The following GPC5 variants were observed in gnomAD, a reference collection of about 807,000 sequenced individuals.
GPC5 encodes glypican-5.
Under a neutral mutation model 53.9 loss-of-function variants are expected in GPC5, and 47 were observed. That is an observed-to-expected ratio of 0.87 (90% CI 0.69 to 1.11). The LOEUF (loss-of-function observed/expected upper bound fraction) is 1.11. Ranked by LOEUF, GPC5 falls within the 50% of genes most tolerant of loss-of-function variation. GPC5 has a pLI of 0.00. For missense variants in GPC5, 748 were observed against 713.1 expected (o/e 1.05, Z -0.56); for synonymous variants, 286 against 263.3 (o/e 1.09, Z -0.84).
chr13:92,695,379 C>T (rs1887528474), intron 7 of GPC5, among the ~76,000 whole-genome samples: 1 of 152,174 alleles, frequency 6.6e-6, no homozygotes, highest in African/African-American at 2.4e-5. Flanking sequence ...TTGTTCATCA[C>T]TTATTAACAC....
Position 91,501,688 on chromosome 13 carries a change from T to G in GPC5, c.325+52766T>G, listed in dbSNP as rs1884646618. The stretch of plus-strand genomic sequence containing the variant: ...GGTTCCAAGTCTTTGCTATTGTGAA[T>G]AATGCCACAATAAACATACGTGTGC... On this transcript the variant is annotated intron_variant, in intron 2 of 7. Transcript: ENST00000377067. Among the ~76,000 whole-genome samples the G allele has an allele frequency of 3.9e-5, 6 of 152,202 alleles. No homozygotes were observed. In the South Asian group the frequency reaches 1.2e-3, roughly 32 times the overall value.
chr13:91,701,844 T>A lies in GPC5; in HGVS notation c.1020+7963T>A, dbSNP rs567785838. 4.6e-5 allele frequency among the ~76,000 whole-genome samples: 7 copies of A among 152,258 alleles called. No homozygotes were observed. In the South Asian group the frequency reaches 1.4e-3, roughly 32 times the overall value. ...TAATTGCTGTAGCATATGGTAGTTC[T>A]ATTTTTAATTTTTTGAGGAACCACT... On this transcript the variant is annotated intron_variant, in intron 3 of 7. Transcript: ENST00000377067.
chr13:92,409,877 C>T (rs1322931364), intron 7 of GPC5, among the ~76,000 whole-genome samples: 2 of 152,126 alleles, frequency 1.3e-5, no homozygotes, highest in East Asian at 3.9e-4. Context: ...AATACTGCCA[C>T]AGAGCAACTG....
At chr13:92,056,274 C>CGA (rs1164071652) in intron 6 of GPC5, among the ~76,000 whole-genome samples, 2 of 152,138 alleles carry the variant, frequency 1.3e-5, no homozygotes, top group African/African-American at 4.8e-5. Flanking sequence ...ATCATCTCAA[C>CGA]CCCTTCTCTT....
chr13:91,622,460 C>T (rs958689436), intron 2 of GPC5, among the ~76,000 whole-genome samples: 3 of 151,986 alleles, frequency 2.0e-5, no homozygotes, highest in Admixed American at 6.6e-5. Context: ...TGAACATGTT[C>T]GTTTTTGTTA....
At chr13:91,802,838 A>C (rs777392131) in intron 5 of GPC5, among the ~76,000 whole-genome samples, 9 of 152,120 alleles carry the variant, frequency 5.9e-5, no homozygotes, top group Non-Finnish European at 1.2e-4. Flanking sequence ...TGAATGCTTT[A>C]AATAAGTTAC....
At chr13:91,669,980 C>T (rs928802296) in intron 2 of GPC5, among the ~76,000 whole-genome samples, 27 of 152,144 alleles carry the variant, frequency 1.8e-4, no homozygotes, top group African/African-American at 6.0e-4. Context: ...AAACATCGCA[C>T]ATGTCAATTG....
At chr13:92,577,852 A>G (rs1883238999) in intron 7 of GPC5, among the ~76,000 whole-genome samples, 1 of 152,308 alleles carries the variant, frequency 6.6e-6, no homozygotes, top group African/African-American at 2.4e-5. Flanking sequence ...TAAAACAAGG[A>G]GCAGAAAAAA....
chr13:91,873,720 G>A (rs911690946), intron 5 of GPC5, among the ~76,000 whole-genome samples: 9 of 152,132 alleles, frequency 5.9e-5, no homozygotes, highest in Non-Finnish European at 8.8e-5. Flanking sequence ...CAGTCACTTT[G>A]TCACCCAGGC....
chr13:92,807,430 A>G (rs1198576999), intron 7 of GPC5, among the ~76,000 whole-genome samples: 1 of 152,108 alleles, frequency 6.6e-6, no homozygotes, highest in African/African-American at 2.4e-5. Context: ...GAGGTAGATT[A>G]TCAAAATCAA....
chr13:92,035,766 A>AC (rs1322722872), intron 6 of GPC5, among the ~76,000 whole-genome samples: 1 of 149,780 alleles, frequency 6.7e-6, no homozygotes, highest in Non-Finnish European at 1.5e-5. Context: ...AAAAAAAAAA[A>AC]ACAAAAAAAA....
At chr13:92,674,731 G>T (rs1211331133) in intron 7 of GPC5, among the ~76,000 whole-genome samples, 1 of 151,950 alleles carries the variant, frequency 6.6e-6, no homozygotes, top group Non-Finnish European at 1.5e-5. Flanking sequence ...TATGTCTACT[G>T]CAAAGTACAC....
At chr13:92,831,541 T>G (rs1407777277) in intron 7 of GPC5, among the ~76,000 whole-genome samples, 1 of 152,156 alleles carries the variant, frequency 6.6e-6, no homozygotes, top group Non-Finnish European at 1.5e-5. Context: ...AGTTACTCTA[T>G]TAGCAGTCTT....
chr13:92,713,345 C>T (rs553985984), intron 7 of GPC5, among the ~76,000 whole-genome samples: 2 of 151,390 alleles, frequency 1.3e-5, no homozygotes, highest in African/African-American at 4.9e-5. Context: ...GTAATCCCAG[C>T]ACTTTGGGAG....
chr13:91,942,438 A>G (rs2039935797), intron 6 of GPC5, among the ~76,000 whole-genome samples: 2 of 152,130 alleles, frequency 1.3e-5, no homozygotes, highest in South Asian at 4.1e-4. Flanking sequence ...CAGGTCTTAT[A>G]TCAAACCTTT....
intron 7 of GPC5, among the ~76,000 whole-genome samples, chr13:92,359,935 T>G (rs777152626): frequency 6.6e-5 from 10 of 151,490 alleles, no homozygotes; most frequent in African/African-American, 2.2e-4. Context: ...AGGTTGTTTG[T>G]TTTTTTTCTT....
At chr13:91,896,640 G>A (rs1415695214) in intron 5 of GPC5, among the ~76,000 whole-genome samples, 2 of 152,046 alleles carry the variant, frequency 1.3e-5, no homozygotes, top group Non-Finnish European at 2.9e-5. Context: ...CTGTAGGTGT[G>A]GAATCTCTAG....
intron 7 of GPC5, among the ~76,000 whole-genome samples, chr13:92,728,430 G>T (rs1030225745): frequency 3.3e-5 from 5 of 151,352 alleles, no homozygotes; most frequent in African/African-American, 1.2e-4. Flanking sequence ...CCATGATTCA[G>T]CCAATACATT....
chr13:91,530,396 T>C (rs1271642285), intron 2 of GPC5, among the ~76,000 whole-genome samples: 2 of 152,194 alleles, frequency 1.3e-5, no homozygotes, highest in African/African-American at 4.8e-5. Context: ...CTATAATAAA[T>C]CAAGTTTCCT....
Sources: gnomAD v4.1 joint callset for allele counts (sites outside exome capture counted in the v4.1 genomes callset) on GRCh38, gnomAD v4.1.1 for gene constraint, MANE v1.5 for transcripts, NCBI Gene and HGNC (gene_info 2026-07-23, HGNC 2026-07-21) for gene names.